PTPRD: variants seen among roughly 807,000 people sequenced by gnomAD.
The protein encoded by PTPRD is receptor-type tyrosine-protein phosphatase delta.
PTPRD carries 34 observed loss-of-function variants against 214.5 expected under a neutral mutation model. The ratio of observed to expected loss-of-function variants is 0.16; its 90% confidence interval spans 0.12 to 0.21. The LOEUF is 0.21. Among genes scored for constraint, PTPRD ranks in the 10% least tolerant of loss-of-function variants. PTPRD has a pLI of 1.00. For synonymous variants in PTPRD, 1,128 were observed against 845.7 expected (o/e 1.33, Z -5.79); for missense variants, 2,545 against 2,398.7 (o/e 1.06, Z -1.27).
intron 7 of PTPRD, among the ~76,000 whole-genome samples, chr9:9,586,418 TA>T (rs1452843930): frequency 6.6e-6 from 1 of 152,022 alleles, no homozygotes; most frequent in Non-Finnish European, 1.5e-5. Flanking sequence ...AGTAAGATTA[TA>T]ATTCTTGAGT....
chr9:9,972,835 G>A (rs1587851636), intron 4 of PTPRD, among the ~76,000 whole-genome samples: 1 of 152,032 alleles, frequency 6.6e-6, no homozygotes, highest in East Asian at 1.9e-4. Flanking sequence ...CTGAGCCTCT[G>A]CCTCTTTCTT....
intron 3 of PTPRD, among the ~76,000 whole-genome samples, chr9:10,206,463 C>T (rs1350026472): frequency 6.6e-6 from 1 of 152,088 alleles, no homozygotes. Flanking sequence ...TGAAACAGTC[C>T]TCATGAGAGT....
At chr9:8,877,586 A>C (rs937112650) in intron 11 of PTPRD, among the ~76,000 whole-genome samples, 2 of 152,206 alleles carry the variant, frequency 1.3e-5, no homozygotes, top group Non-Finnish European at 2.9e-5. Context: ...GCAATAGGTC[A>C]ACTTATAAAA....
At chr9:10,030,760 T>C (rs2097048336) in intron 4 of PTPRD, among the ~76,000 whole-genome samples, 1 of 152,160 alleles carries the variant, frequency 6.6e-6, no homozygotes, top group Non-Finnish European at 1.5e-5. Context: ...ACACTGCCCA[T>C]GGATTATTTA....
At chr9:10,299,760 G>A (rs1381490449) in intron 3 of PTPRD, among the ~76,000 whole-genome samples, 1 of 152,084 alleles carries the variant, frequency 6.6e-6, no homozygotes, top group Non-Finnish European at 1.5e-5. Context: ...ATACAGTCAA[G>A]CAAACTAAAT....
At chr9:8,883,487 A>C (rs2098463088) in intron 11 of PTPRD, among the ~76,000 whole-genome samples, 1 of 152,222 alleles carries the variant, frequency 6.6e-6, no homozygotes, top group Non-Finnish European at 1.5e-5. Context: ...AAAATTGAAC[A>C]AAGGGCACAG....
At chr9:9,654,790 GT>G (rs1357017036) in intron 7 of PTPRD, among the ~76,000 whole-genome samples, 2 of 152,080 alleles carry the variant, frequency 1.3e-5, no homozygotes, top group African/African-American at 4.8e-5. Context: ...CATCAGGTTT[GT>G]TTATTAAGTG....
chr9:9,981,810 C>A (rs758669605), intron 4 of PTPRD, among the ~76,000 whole-genome samples: 29 of 152,124 alleles, frequency 1.9e-4, no homozygotes, highest in Non-Finnish European at 4.3e-4. Context: ...ATTTCCATAA[C>A]AACTATCATC....
chr9:9,006,323 C>T (rs953880132), intron 11 of PTPRD, among the ~76,000 whole-genome samples: 1 of 152,026 alleles, frequency 6.6e-6, no homozygotes, highest in African/African-American at 2.4e-5. Context: ...TTCTCCTCCT[C>T]TTTTCTTTTT....
At chr9:9,076,849 T>C (rs1335205349) in intron 10 of PTPRD, among the ~76,000 whole-genome samples, 2 of 151,560 alleles carry the variant, frequency 1.3e-5, no homozygotes, top group East Asian at 3.9e-4. Flanking sequence ...ATATGGTAGC[T>C]CTATTTTTAG....
At chr9:8,585,397 C>T (rs374464868) in intron 14 of PTPRD, among the ~76,000 whole-genome samples, 15 of 152,176 alleles carry the variant, frequency 9.9e-5, no homozygotes, top group African/African-American at 2.2e-4. Flanking sequence ...CTAAACTACA[C>T]CAACTATAGT....
At chr9:9,348,317 A>C (rs537619315) in intron 9 of PTPRD, among the ~76,000 whole-genome samples, 2 of 152,130 alleles carry the variant, frequency 1.3e-5, no homozygotes, top group Non-Finnish European at 2.9e-5. Flanking sequence ...ACTAGAAAAT[A>C]GTTTTCTACT....
intron 7 of PTPRD, among the ~76,000 whole-genome samples, chr9:9,725,220 T>G (rs2098061002): frequency 6.6e-6 from 1 of 152,064 alleles, no homozygotes. Flanking sequence ...GATAACTGAA[T>G]CATGGGGGCA....
chr9:10,041,490 A>G (rs943037418), intron 3 of PTPRD, among the ~76,000 whole-genome samples: 3 of 151,802 alleles, frequency 2.0e-5, no homozygotes, highest in African/African-American at 7.3e-5. Context: ...TAAGCATATT[A>G]TGTTTTAGAG....
chr9:10,018,618 G>A (rs1386376431), intron 4 of PTPRD, among the ~76,000 whole-genome samples: 13 of 125,476 alleles, frequency 1.0e-4, no homozygotes, highest in Non-Finnish European at 2.1e-4. Flanking sequence ...CGGGATCTCG[G>A]CTCACTGCAA....
intron 35 of PTPRD, among the ~76,000 whole-genome samples, chr9:8,434,966 G>A (rs904776042): frequency 6.6e-6 from 1 of 152,112 alleles, no homozygotes; most frequent in Non-Finnish European, 1.5e-5. Flanking sequence ...CGTGCAATCC[G>A]GTGTGAATTT....
intron 11 of PTPRD, among the ~76,000 whole-genome samples, chr9:8,964,172 T>A (rs1282113487): frequency 6.8e-6 from 1 of 148,128 alleles, no homozygotes; most frequent in Non-Finnish European, 1.5e-5. Flanking sequence ...TGGCTGTGAA[T>A]CTATCTAGTT....
chr9:9,933,388 C>G (rs1434691440), intron 5 of PTPRD, among the ~76,000 whole-genome samples: 1 of 151,658 alleles, frequency 6.6e-6, no homozygotes, highest in Non-Finnish European at 1.5e-5. Context: ...GGAAGATCTA[C>G]CAAGCAAATG....
rs2083444740 is a variant in PTPRD, at chr9:9,563,285, G to T, written c.-237+11447C>A. Reference sequence around the variant, plus strand: ...TAGGTGCGCTGTGCAAATTTGCTGGGTTACTTCATTTGGGAACTACCTTAT... The same window carrying T: ...TAGGTGCGCTGTGCAAATTTGCTGGTTTACTTCATTTGGGAACTACCTTAT... On this transcript the variant is annotated intron_variant, in intron 8 of 45. Coordinates refer to ENST00000381196, the MANE Select transcript of PTPRD (RefSeq NM_002839.4). Among the ~76,000 whole-genome samples, 2 of 152,080 alleles carry T rather than the reference G, an allele frequency of 1.3e-5. 1 individual carries two copies. The highest frequency in any genetic ancestry group is 4.1e-4 in the South Asian group (2 of 4,826).
Sources: allele counts gnomAD v4.1 joint callset (sites outside exome capture counted in the v4.1 genomes callset), GRCh38; gene constraint gnomAD v4.1.1; transcripts MANE v1.5; gene names NCBI Gene and HGNC (gene_info 2026-07-23, HGNC 2026-07-21).